Variants in PDSS2 observed in about 807,000 individuals in gnomAD.
The protein encoded by PDSS2 is decaprenyl diphosphate synthase subunit 2.
In PDSS2, 31 loss-of-function variants were observed where a neutral mutation model predicts 44.5. That is an observed-to-expected ratio of 0.70 (90% CI 0.52 to 0.94). PDSS2 has a LOEUF of 0.94. Ranked by LOEUF, PDSS2 falls within the 40% of genes least tolerant of loss-of-function variation. The pLI is 0.00. For synonymous variants in PDSS2, 157 were observed against 180.3 expected (o/e 0.87, Z 1.03); for missense variants, 452 against 482.2 (o/e 0.94, Z 0.59).
intron 1 of PDSS2, among the ~76,000 whole-genome samples, chr6:107,391,769 T>A (rs893774352): frequency 6.6e-6 from 1 of 152,130 alleles, no homozygotes; most frequent in African/African-American, 2.4e-5. Flanking sequence ...TTCATTCATG[T>A]ATTAAATAAA....
At chr6:107,261,268 G>A (rs1325908218) in intron 3 of PDSS2, among the ~76,000 whole-genome samples, 1 of 152,212 alleles carries the variant, frequency 6.6e-6, no homozygotes, top group Non-Finnish European at 1.5e-5. Context: ...AGGAGGTGGG[G>A]CTGGTGGGAT....
In PDSS2 at chr6:107,333,634, C is replaced by T. The variant is rs1777781409; in HGVS notation, c.431+564G>A. Among the ~76,000 whole-genome samples, 5 of 152,130 alleles carry T rather than the reference C, an allele frequency of 3.3e-5. 1 individual carries two copies. In the South Asian group the frequency reaches 1.0e-3, roughly 32 times the overall value. ...ACTGCAGGCTTAACCTCCCTGGCCT[C>T]AAGCAATCCTCCTGCTTTAGTCTCC... is the stretch of plus-strand genomic sequence containing the variant. On this transcript the variant is annotated intron_variant, in intron 2 of 7. Transcript: ENST00000369037.
chr6:107,276,165 A>G (rs931110653), intron 2 of PDSS2, among the ~76,000 whole-genome samples: 3 of 151,506 alleles, frequency 2.0e-5, no homozygotes, highest in African/African-American at 7.3e-5. Context: ...CAGAAGGTAG[A>G]GCCAAGAACA....
chr6:107,160,088 C>T (rs1278276686), intron 7 of PDSS2, among the ~76,000 whole-genome samples: 4 of 152,048 alleles, frequency 2.6e-5, no homozygotes, highest in African/African-American at 9.7e-5. Flanking sequence ...TGGTGCCGTG[C>T]ACCTGTAGTC....
At chr6:107,185,274 T>G (rs1000447648) in intron 7 of PDSS2, among the ~76,000 whole-genome samples, 1 of 152,182 alleles carries the variant, frequency 6.6e-6, no homozygotes, top group Non-Finnish European at 1.5e-5. Flanking sequence ...AAAGCTCATT[T>G]ACGGCACAGT....
chr6:107,303,381 T>C (rs1027844038), intron 2 of PDSS2, among the ~76,000 whole-genome samples: 10 of 152,232 alleles, frequency 6.6e-5, no homozygotes, highest in African/African-American at 2.4e-4. Context: ...CAGTGTCTCC[T>C]CTGGGTCCCC....
intron 3 of PDSS2, among the ~76,000 whole-genome samples, chr6:107,250,189 C>T (rs994127610): frequency 4.0e-5 from 6 of 150,856 alleles, no homozygotes; most frequent in Admixed American, 1.3e-4. Context: ...GACCCCCCCC[C>T]GCAAAAAAAT....
chr6:107,352,746 G>T (rs1778471712), intron 1 of PDSS2, among the ~76,000 whole-genome samples: 1 of 152,156 alleles, frequency 6.6e-6, no homozygotes, highest in African/African-American at 2.4e-5. Context: ...GGGGACTTTG[G>T]CAATGTCAAA....
chr6:107,226,267 G>C (rs886608703), intron 4 of PDSS2, among the ~76,000 whole-genome samples: 2 of 152,152 alleles, frequency 1.3e-5, no homozygotes, highest in Middle Eastern at 3.2e-3. Context: ...AGCCGAGATT[G>C]CGCCACTGCA....
chr6:107,458,914 C>T (rs1782146981), intron 1 of PDSS2, 76 bp downstream of exon 1: 6 of 1,318,290 alleles, frequency 4.6e-6, no homozygotes, highest in Non-Finnish European at 1.1e-6. Context: ...TCTGAGAGAG[C>T]TAGAATGCGT....
intron 7 of PDSS2, among the ~76,000 whole-genome samples, chr6:107,186,385 A>T (rs966405102): frequency 1.3e-5 from 2 of 152,138 alleles, no homozygotes; most frequent in Non-Finnish European, 2.9e-5. Flanking sequence ...CACCTCTTCC[A>T]CACTCTCCCC....
chr6:107,179,803 G>A (rs1771909922), intron 7 of PDSS2, among the ~76,000 whole-genome samples: 1 of 152,162 alleles, frequency 6.6e-6, no homozygotes, highest in Non-Finnish European at 1.5e-5. Flanking sequence ...TGGTAAGTGG[G>A]GAGGCTGAGT....
chr6:107,379,437 A>G (rs1373631598), intron 1 of PDSS2, among the ~76,000 whole-genome samples: 3 of 152,190 alleles, frequency 2.0e-5, no homozygotes, highest in African/African-American at 7.2e-5. Flanking sequence ...TATGTTGTTT[A>G]GGCCTTCTCA....
At chr6:107,398,443 T>C (rs1206757058) in intron 1 of PDSS2, among the ~76,000 whole-genome samples, 1 of 152,234 alleles carries the variant, frequency 6.6e-6, no homozygotes, top group Non-Finnish European at 1.5e-5. Flanking sequence ...AAATTCTTAC[T>C]TTTAATTTCT....
chr6:107,393,854 T>G (rs984889406), intron 1 of PDSS2, among the ~76,000 whole-genome samples: 2 of 152,228 alleles, frequency 1.3e-5, no homozygotes, highest in African/African-American at 2.4e-5. Flanking sequence ...CTTGTAATAT[T>G]CTTTGCTCTG....
In PDSS2 at chr6:107,429,902, ATATATATATATATATATAT is replaced by A. The variant is rs1378457886; in HGVS notation, c.296+29069_296+29087del. Among the ~76,000 whole-genome samples, 39 of 44,668 alleles carry A rather than the reference ATATATATATATATATATAT, an allele frequency of 8.7e-4. 2 individuals carry two copies. Among genetic ancestry groups the A allele is most frequent in the African/African-American group, 2.9e-3 (36 of 12,506 alleles). The allele number at this position is 44,668 out of a possible 152,430, so 29.3% of individuals were successfully genotyped here. A position where few individuals can be genotyped will look rare whatever the true frequency, so the allele number is the denominator to read the frequency against. ...TTAGTCTCAAAAAAAAAAAAAAAAAATATATATATATATATATATATATATATATATATATACACCAAAC... is the reference window on the plus strand; with the variant it reads ...TTAGTCTCAAAAAAAAAAAAAAAAAAATATATATATATATATACACCAAAC... On this transcript the variant is annotated intron_variant, in intron 1 of 7. Transcript: ENST00000369037.
At chr6:107,315,475 C>A (rs1346551481) in intron 2 of PDSS2, among the ~76,000 whole-genome samples, 1 of 152,182 alleles carries the variant, frequency 6.6e-6, no homozygotes, top group Admixed American at 6.5e-5. Flanking sequence ...ACTTTCCCCA[C>A]ATTTTATTAA....
intron 1 of PDSS2, among the ~76,000 whole-genome samples, chr6:107,349,477 G>A (rs993575462): frequency 6.6e-6 from 1 of 150,764 alleles, no homozygotes; most frequent in African/African-American, 2.4e-5. Context: ...GGCTGGGCAT[G>A]GTGGCTCATG....
At chr6:107,423,139 C>T (rs777192049) in intron 1 of PDSS2, among the ~76,000 whole-genome samples, 1 of 152,054 alleles carries the variant, frequency 6.6e-6, no homozygotes, top group African/African-American at 2.4e-5. Flanking sequence ...GCTTGCTCAT[C>T]ATGAAGTTGA....
Sources: allele counts gnomAD v4.1 joint callset (sites outside exome capture counted in the v4.1 genomes callset), GRCh38; gene constraint gnomAD v4.1.1; transcripts MANE v1.5; gene names NCBI Gene and HGNC (gene_info 2026-07-23, HGNC 2026-07-21).